The following ATCAY variants were observed in gnomAD, a reference collection of about 807,000 sequenced individuals.
ATCAY encodes the protein caytaxin.
A neutral mutation model predicts 47.7 loss-of-function variants in ATCAY; 22 were observed. That is an observed-to-expected ratio of 0.46 (90% CI 0.33 to 0.66). The LOEUF is 0.66. Ranked by LOEUF, ATCAY falls within the 30% of genes least tolerant of loss-of-function variation. ATCAY has a pLI of 0.02. For synonymous variants in ATCAY, 216 were observed against 207.6 expected (o/e 1.04, Z -0.35); for missense variants, 452 against 515.0 (o/e 0.88, Z 1.18).
rs199529579 is a variant in ATCAY, at chr19:3,907,820, G to A, written c.445G>A (p.Ala149Thr). 134 of 1,613,978 alleles carry A rather than the reference G, an allele frequency of 8.3e-5. No individual in the cohort carries two copies. The highest frequency in any genetic ancestry group is 2.1e-4 in the African/African-American group (16 of 75,064). The change falls in exon 5 of 13, where the codon GCC becomes ACC. Residue 149 changes from alanine to threonine, a missense_variant. Transcript: ENST00000450849. This position sits in a 1 kb window ranked among gnomAD's most constrained non-coding sequence, Gnocchi z 5.1. ...CGGCACGACGGAGGACGGCAGCGCC[G>A]CCAACGGGCGCCTGTGGCGGACAGT... is the stretch of plus-strand genomic sequence containing the variant. The part of the protein sequence containing the change: ...GDGTTEDGSA[A>T]NGRLWRTVII...
chr19:3,884,379 T>C (rs1007246506), intron 1 of ATCAY, among the ~76,000 whole-genome samples: 41 of 152,102 alleles, frequency 2.7e-4, no homozygotes, highest in African/African-American at 9.7e-4. Flanking sequence ...ACTGCCTTAG[T>C]GAGCCCTGGA....
intron 6 of ATCAY, among the ~76,000 whole-genome samples, chr19:3,909,204 T>G (rs1375983534): frequency 7.2e-6 from 1 of 138,376 alleles, no homozygotes; most frequent in East Asian, 2.2e-4. Flanking sequence ...ACCACTGCAC[T>G]CTAGCCTGGG....
At chr19:3,898,611 T>C (rs2145234826) in intron 2 of ATCAY, among the ~76,000 whole-genome samples, 1 of 152,358 alleles carries the variant, frequency 6.6e-6, no homozygotes, top group Middle Eastern at 3.4e-3. Context: ...TTTTCAGGGC[T>C]AAATAGTATT....
intron 5 of ATCAY, 109 bp downstream of exon 5, chr19:3,908,028 C>T (rs1331530382): frequency 6.4e-6 from 9 of 1,406,002 alleles, no homozygotes; most frequent in South Asian, 2.5e-5. Flanking sequence ...GCCGTCAACT[C>T]GCTTCGGGTG....
chr19:3,911,953 A>T (rs2038925712), intron 8 of ATCAY, among the ~76,000 whole-genome samples: 1 of 152,196 alleles, frequency 6.6e-6, no homozygotes, highest in African/African-American at 2.4e-5. Flanking sequence ...TGAGATGAGG[A>T]ATACACTAAT....
chr19:3,905,311 G>A, intron 3 of ATCAY, 123 bp from the exon 4 acceptor site: 1 of 990,086 alleles, frequency 1.0e-6, no homozygotes, highest in Admixed American at 2.7e-5. Flanking sequence ...CATGGATACA[G>A]AAGGGAGCCC....
intron 9 of ATCAY, 30 bp from the exon 10 acceptor site, chr19:3,917,712 T>C: frequency 6.2e-7 from 1 of 1,612,694 alleles, no homozygotes; most frequent in Non-Finnish European, 8.5e-7. Flanking sequence ...GAAAGGAAGG[T>C]TGTGTCTGAC....
rs757024496 is a variant in ATCAY, at chr19:3,907,926, C to T, written c.544+7C>T. 2 of 1,611,404 alleles carry T rather than the reference C, an allele frequency of 1.2e-6. No homozygotes were observed. Among genetic ancestry groups the T allele is most frequent in the South Asian group, 1.1e-5 (1 of 90,766 alleles). On this transcript the variant is annotated splice_region_variant and intron_variant, in intron 5 of 12. Coordinates refer to ENST00000450849, the MANE Select transcript of ATCAY (RefSeq NM_033064.5). This position sits in a 1 kb window ranked among gnomAD's most constrained non-coding sequence, Gnocchi z 5.1. ...AAAGTGGTCACCCACGGAGGTGAGA[C>T]CCGCCCCCCGGTGCCCCCTTGGGGC...
rs1374738193 is a variant in ATCAY, at chr19:3,907,016, C to T, written c.359-718C>T. Among the ~76,000 whole-genome samples the T allele has an allele frequency of 1.3e-5, 2 of 151,564 alleles. No individual in the cohort carries two copies. The highest frequency in any genetic ancestry group is 2.9e-5 in the Non-Finnish European group (2 of 67,952). Reference sequence around the variant, plus strand: ...AGCCGGGCATGGTGGCGTGCGTAGTCCCAGCTACTCGGGAGGCTGAGGCAG... The same window carrying T: ...AGCCGGGCATGGTGGCGTGCGTAGTTCCAGCTACTCGGGAGGCTGAGGCAG... On this transcript the variant is annotated intron_variant, in intron 4 of 12. Coordinates refer to ENST00000450849, the MANE Select transcript of ATCAY (RefSeq NM_033064.5). This position sits in a 1 kb window ranked among gnomAD's most constrained non-coding sequence, Gnocchi z 5.1.
chr19:3,901,323 A>G (rs1472354774), intron 2 of ATCAY, among the ~76,000 whole-genome samples: 1 of 152,156 alleles, frequency 6.6e-6, no homozygotes, highest in Non-Finnish European at 1.5e-5. Flanking sequence ...GTATGGACTC[A>G]TAGACATTTA....
At chr19:3,905,146 C>T (rs1288458020) in intron 3 of ATCAY, among the ~76,000 whole-genome samples, 1 of 152,220 alleles carries the variant, frequency 6.6e-6, no homozygotes, top group East Asian at 1.9e-4. Context: ...GCGTGAGCCA[C>T]CGCACCCGGC....
In ATCAY at chr19:3,908,351, A is replaced by G; in HGVS notation, c.628A>G (p.Ile210Val). Reference sequence around the variant, plus strand: ...CAGCAGCCTCCCCGACTACCACTACATCATGGAGAACCTCTTCCTGTGAGT... The same window carrying G: ...CAGCAGCCTCCCCGACTACCACTACGTCATGGAGAACCTCTTCCTGTGAGT... ...PDSSLPDYHYIMENLFLYVIS... is the reference protein window; with the variant it reads ...PDSSLPDYHYVMENLFLYVIS... Residue 210 changes from isoleucine to valine, a missense_variant, in exon 6 of 13, where the codon ATC (isoleucine) becomes GTC (valine). Physicochemically the swap from Ile to Val is conservative, Grantham distance 29. Transcript: ENST00000450849. 1 of 1,591,788 alleles carries G rather than the reference A, an allele frequency of 6.3e-7. No individual in the cohort carries two copies. The highest frequency in any genetic ancestry group is 8.6e-7 in the Non-Finnish European group (1 of 1,169,030).
rs1333578472 is a variant in ATCAY at position 3,885,831 on chromosome 19, G to A, written c.64G>A (p.Glu22Lys). The A allele has an allele frequency of 1.7e-5, 27 of 1,552,162 alleles. No homozygotes were observed. The highest frequency in any genetic ancestry group is 2.1e-5 in the Non-Finnish European group (24 of 1,147,718). Residue 22 changes from glutamate to lysine, a missense_variant, in exon 2 of 13, where the codon GAA becomes AAA. By Grantham distance (56) the Glu-to-Lys change is moderately conservative (BLOSUM62 1). Coordinates refer to ENST00000450849, the MANE Select transcript of ATCAY (RefSeq NM_033064.5). ...NVDVKEEWQDEDLPRPLPEET... is the reference protein window; with the variant it reads ...NVDVKEEWQDKDLPRPLPEET... ...GGACGTGAAGGAGGAATGGCAGGAC[G>A]AAGATCTTCCCAGGTAGGACTTCCA...
At chr19:3,890,476 T>A (rs796869604) in intron 2 of ATCAY, among the ~76,000 whole-genome samples, 2 of 151,948 alleles carry the variant, frequency 1.3e-5, no homozygotes, top group Non-Finnish European at 2.9e-5. Context: ...TTGGCCAGGC[T>A]GGTCTCGAAC....
At chr19:3,908,247 C>T (rs771312157) in intron 5 of ATCAY, 21 bp from the exon 6 acceptor site, 9 of 1,553,682 alleles carry the variant, frequency 5.8e-6, no homozygotes, top group Admixed American at 3.9e-5. Context: ...CTGACGTTGC[C>T]GATCGGCTGC....
rs1458614727 is a variant in ATCAY at position 3,926,338 on chromosome 19, G to A, written c.*1746G>A. The stretch of plus-strand genomic sequence containing the variant: ...AAAAGAAAAGAAAAGAATGGACAGT[G>A]TTTGCAGAGAGTTGCTCACGAGTTT... On this transcript the variant is annotated 3_prime_UTR_variant, in exon 13 of 13. Coordinates refer to ENST00000450849, the MANE Select transcript of ATCAY (RefSeq NM_033064.5). The A allele has an allele frequency of 1.3e-5, 2 of 152,426 alleles. No homozygotes were observed. Among genetic ancestry groups the A allele is most frequent in the Non-Finnish European group, 2.9e-5 (2 of 68,244 alleles). The allele number at this position is 152,426 out of a possible 1,614,324, so 9.4% of individuals were successfully genotyped here.
chr19:3,887,875 A>G (rs1006401965), intron 2 of ATCAY, among the ~76,000 whole-genome samples: 5 of 151,100 alleles, frequency 3.3e-5, no homozygotes, highest in Non-Finnish European at 3.0e-5. Flanking sequence ...TTGGGAGGCC[A>G]AGGTGGGCAG....
chr19:3,915,884 T>G (rs1017047626), intron 9 of ATCAY, among the ~76,000 whole-genome samples: 1 of 151,844 alleles, frequency 6.6e-6, no homozygotes, highest in South Asian at 2.1e-4. Context: ...GAGACGGAGT[T>G]TTGTCATGTT....
Position 3,887,231 on chromosome 19 carries a change from G to A in ATCAY, c.77+1387G>A, listed in dbSNP as rs557088700. Among the ~76,000 whole-genome samples, 17 of 152,104 alleles carry A rather than the reference G, an allele frequency of 1.1e-4. No individual in the cohort carries two copies. The South Asian group carries it at 2.7e-3, about 24-fold the overall frequency. On this transcript the variant is annotated intron_variant, in intron 2 of 12. Coordinates refer to ENST00000450849, the MANE Select transcript of ATCAY (RefSeq NM_033064.5). ...CAGCACTTACAGAGGCTCAGGCTGG[G>A]GGGATTGATAGAGCTCAAGAGTTCG...
Sources: gnomAD v4.1 joint callset for allele counts (sites outside exome capture counted in the v4.1 genomes callset) on GRCh38, gnomAD v4.1.1 for gene constraint, Gnocchi (gnomAD v3.1) non-coding constraint, MANE v1.5 for transcripts, NCBI Gene and HGNC (gene_info 2026-07-23, HGNC 2026-07-21) for gene names.